The following SNX13 variants were observed in gnomAD, a reference collection of about 807,000 sequenced individuals.
SNX13 encodes sorting nexin 13, also known as sorting nexin-13.
Under a neutral mutation model 133.6 loss-of-function variants are expected in SNX13, and 45 were observed. The ratio of observed to expected loss-of-function variants is 0.34; its 90% confidence interval spans 0.27 to 0.43. SNX13 has a LOEUF of 0.43. Among genes scored for constraint, SNX13 ranks in the 20% least tolerant of loss-of-function variants. The pLI is 1.00. For synonymous variants in SNX13, 414 were observed against 373.9 expected (o/e 1.11, Z -1.24); for missense variants, 1,032 against 1,145.1 (o/e 0.90, Z 1.43).
At chr7:17,906,492 A>C (rs1351005650) in intron 1 of SNX13, among the ~76,000 whole-genome samples, 2 of 152,252 alleles carry the variant, frequency 1.3e-5, no homozygotes, top group African/African-American at 4.8e-5. Context: ...TGGTAAATTC[A>C]CACGTAGTTT....
intron 5 of SNX13, among the ~76,000 whole-genome samples, chr7:17,878,352 CA>C (rs1454130203): frequency 6.6e-6 from 1 of 151,916 alleles, no homozygotes; most frequent in Admixed American, 6.6e-5. Context: ...CCTATATGGC[CA>C]AAAAAAGTGA....
chr7:17,928,617 C>T (rs1243082809), intron 1 of SNX13, among the ~76,000 whole-genome samples: 1 of 151,378 alleles, frequency 6.6e-6, no homozygotes, highest in Non-Finnish European at 1.5e-5. Flanking sequence ...AACTTAGATT[C>T]AAAAAATTCA....
intron 1 of SNX13, among the ~76,000 whole-genome samples, chr7:17,936,576 A>G (rs567690729): frequency 1.2e-4 from 19 of 152,192 alleles, no homozygotes; most frequent in Non-Finnish European, 2.8e-4. Context: ...ATGCCACAAC[A>G]CTGGAATGTA....
At chr7:17,889,590 C>T (rs759471195) in intron 5 of SNX13, 13 of 151,624 alleles carry the variant, frequency 8.6e-5, no homozygotes, top group South Asian at 4.2e-4. Flanking sequence ...TTTCACATAA[C>T]GTTGCCCATT....
chr7:17,923,296 G>T (rs1442216092), intron 1 of SNX13, among the ~76,000 whole-genome samples: 1 of 152,138 alleles, frequency 6.6e-6, no homozygotes, highest in East Asian at 1.9e-4. Flanking sequence ...AAACAGACTT[G>T]TATATAGAAA....
chr7:17,938,937 T>C (rs1385314137), intron 1 of SNX13, among the ~76,000 whole-genome samples: 1 of 152,176 alleles, frequency 6.6e-6, no homozygotes, highest in Non-Finnish European at 1.5e-5. Context: ...CAACACAAAC[T>C]TATGCTATAA....
Position 17,803,547 on chromosome 7 carries a change from T to C in SNX13, c.2098A>G (p.Met700Val), listed in dbSNP as rs757030898. The C allele has an allele frequency of 2.5e-6, 4 of 1,610,716 alleles. No homozygotes were observed. Among genetic ancestry groups the C allele is most frequent in the African/African-American group, 2.7e-5 (2 of 74,804 alleles). Reference sequence around the variant, plus strand: ...TTAACTGCATTTGAAACATTCCTCATTGAATTGCGAAGTGGATTTACAAAA... The same window carrying C: ...TTAACTGCATTTGAAACATTCCTCACTGAATTGCGAAGTGGATTTACAAAA... ...DTFVNPLRNS[M>V]RNVSNAVKSL... The change falls in exon 21 of 26, where the codon ATG becomes GTG. Residue 700 changes from methionine to valine, a missense_variant. Transcript: ENST00000428135.
In SNX13 at chr7:17,845,584, G is replaced by C. The variant is rs376763100; in HGVS notation, c.1165+11C>G. ...ATGGCTGTATCATTTAAATAGAATT[G>C]ATCTACCTACCCATAAAAAATTGTA... On this transcript the variant is annotated intron_variant, in intron 12 of 25. Transcript: ENST00000428135. 1.3e-6 allele frequency: 2 copies of C among 1,517,776 alleles called. No individual in the cohort carries two copies. The highest frequency in any genetic ancestry group is 2.8e-5 in the African/African-American group (2 of 71,748). 94.0% of individuals were successfully genotyped at this position (1,517,776 alleles called of 1,614,324 possible).
At chr7:17,928,293 G>C (rs1291466265) in intron 1 of SNX13, among the ~76,000 whole-genome samples, 1 of 152,106 alleles carries the variant, frequency 6.6e-6, no homozygotes. Context: ...CCAGGAGTTT[G>C]ATTCCAGCCT....
At chr7:17,805,254 T>TGTGTGTGTGTGTGTGTGC (rs537620797) in intron 20 of SNX13, among the ~76,000 whole-genome samples, 36 of 132,514 alleles carry the variant, frequency 2.7e-4, no homozygotes, top group East Asian at 1.5e-3. Context: ...TGTGTGTGCG[T>TGTGTGTGTGTGTGTGTGC]GCGCGCGCGC....
rs1270002028 is a variant in SNX13 at position 17,897,438 on chromosome 7, T to G, written c.21A>C (p.Leu7=). Residue 7 remains leucine, a synonymous_variant, in exon 2 of 26, where the codon CTA becomes CTC. Coordinates refer to ENST00000428135, the MANE Select transcript of SNX13 (RefSeq NM_015132.5). ...CAAGGCTTCCCCATCCCCATATGGATAGACTGGCCTGAAATACAGAAAAAA... is the reference window on the plus strand; with the variant it reads ...CAAGGCTTCCCCATCCCCATATGGAGAGACTGGCCTGAAATACAGAAAAAA... MLTEAS[L]SIWGWGSLGI... 2 of 1,567,330 alleles carry G rather than the reference T, an allele frequency of 1.3e-6. No individual in the cohort carries two copies. Among genetic ancestry groups the G allele is most frequent in the Non-Finnish European group, 1.7e-6 (2 of 1,153,798 alleles).
chr7:17,888,357 A>G (rs544130980), intron 5 of SNX13: 1 of 188,928 alleles, frequency 5.3e-6, no homozygotes, highest in African/African-American at 2.4e-5. Context: ...TTCAAAAGAA[A>G]AAAAAACTTA....
intron 1 of SNX13, among the ~76,000 whole-genome samples, chr7:17,907,625 CT>C (rs1326836648): frequency 2.0e-5 from 3 of 152,270 alleles, no homozygotes; most frequent in African/African-American, 7.2e-5. Context: ...AACACCCCCC[CT>C]GAAAATAAGC....
intron 23 of SNX13, 36 bp from the exon 24 acceptor site, chr7:17,798,794 A>G: frequency 6.9e-7 from 1 of 1,456,832 alleles, no homozygotes; most frequent in East Asian, 2.4e-5. Flanking sequence ...GAAGGTTAAA[A>G]TTTTAGAAGG....
chr7:17,858,723 T>C (rs1183763956), intron 9 of SNX13, among the ~76,000 whole-genome samples: 1 of 152,006 alleles, frequency 6.6e-6, no homozygotes, highest in Non-Finnish European at 1.5e-5. Context: ...AATATTACGA[T>C]AAAGCTAAAG....
At chr7:17,880,101 G>T (rs532953771) in intron 5 of SNX13, 1 of 152,216 alleles carries the variant, frequency 6.6e-6, no homozygotes, top group East Asian at 1.9e-4. Context: ...TTTTTCTTTG[G>T]TTAAGGCTCT....
intron 1 of SNX13, among the ~76,000 whole-genome samples, chr7:17,903,234 A>C (rs1270030402): frequency 6.6e-6 from 1 of 152,222 alleles, no homozygotes; most frequent in Non-Finnish European, 1.5e-5. Context: ...TAAAATGCAG[A>C]TTATGATCCA....
At chr7:17,865,253 T>G (rs1462965111) in intron 9 of SNX13, among the ~76,000 whole-genome samples, 1 of 152,154 alleles carries the variant, frequency 6.6e-6, no homozygotes, top group African/African-American at 2.4e-5. Context: ...GTGAGATGAC[T>G]AAAACACAAG....
chr7:17,940,204 T>C, intron 1 of SNX13, 80 bp downstream of exon 1: 1 of 1,538,564 alleles, frequency 6.5e-7, no homozygotes. Context: ...CCACCTTCCG[T>C]ACAGATGATG....
Sources: allele counts gnomAD v4.1 joint callset (sites outside exome capture counted in the v4.1 genomes callset), GRCh38; gene constraint gnomAD v4.1.1; transcripts MANE v1.5; gene names NCBI Gene and HGNC (gene_info 2026-07-23, HGNC 2026-07-21).